The following BMP8A variants were observed in gnomAD, a reference collection of about 807,000 sequenced individuals.
BMP8A encodes BMP-8A.
A neutral mutation model predicts 36.8 loss-of-function variants in BMP8A; 14 were observed. That is an observed-to-expected ratio of 0.38 (90% CI 0.25 to 0.60). BMP8A has a LOEUF of 0.60. Among genes scored for constraint, BMP8A ranks in the 20% least tolerant of loss-of-function variants. The pLI, the probability that BMP8A is intolerant of heterozygous loss-of-function variation, is 0.63. For missense variants in BMP8A, 267 were observed against 551.1 expected (o/e 0.48, Z 5.16); for synonymous variants, 120 against 237.7 (o/e 0.50, Z 4.55).
chr1:39,505,098 C>T (rs1478510342), intron 1 of BMP8A, among the ~76,000 whole-genome samples: 23 of 152,184 alleles, frequency 1.5e-4, no homozygotes, highest in Admixed American at 1.5e-3. Context: ...GAGACAGATG[C>T]CTTCCTCTTA....
chr1:39,508,253 A>G (rs1645319725), intron 1 of BMP8A, among the ~76,000 whole-genome samples: 1 of 148,658 alleles, frequency 6.7e-6, no homozygotes, highest in Non-Finnish European at 1.5e-5. Flanking sequence ...TCCGTCTCAA[A>G]AAAAAAAAAA....
intron 1 of BMP8A, among the ~76,000 whole-genome samples, chr1:39,506,710 C>A (rs1645304823): frequency 6.6e-6 from 1 of 152,088 alleles, no homozygotes; most frequent in Non-Finnish European, 1.5e-5. Flanking sequence ...CCCAGCCCCC[C>A]TTCTTTGTGT....
chr1:39,506,865 C>T (rs932831314), intron 1 of BMP8A, among the ~76,000 whole-genome samples: 4 of 152,220 alleles, frequency 2.6e-5, no homozygotes, highest in Non-Finnish European at 5.9e-5. Context: ...TAAATAATGA[C>T]TTCTGCACCA....
chr1:39,503,905 G>T (rs557914268), intron 1 of BMP8A, among the ~76,000 whole-genome samples: 5 of 151,852 alleles, frequency 3.3e-5, no homozygotes, highest in African/African-American at 1.2e-4. Context: ...CACACCACTG[G>T]ACTCCAGCCT....
At chr1:39,508,123 C>T (rs572826350) in intron 1 of BMP8A, among the ~76,000 whole-genome samples, 443 of 152,146 alleles carry the variant, frequency 2.9e-3, no homozygotes, top group Non-Finnish European at 5.0e-3. Flanking sequence ...TGGTTGCTGG[C>T]GCCTGTAGTC....
chr1:39,501,783 C>G (rs1233591910), intron 1 of BMP8A, among the ~76,000 whole-genome samples: 2 of 152,152 alleles, frequency 1.3e-5, no homozygotes, highest in South Asian at 4.1e-4. Flanking sequence ...CTTGGAAGTA[C>G]AGTTTCTGAG....
Position 39,524,816 on chromosome 1 carries a change from G to A in BMP8A, c.1060-833G>A, listed in dbSNP as rs1408766821. ...TGGAAGGCAGAGGAGCAGGGGATGA[G>A]TGAGGGCTGCTGTGGTCACCTGGCA... On this transcript the variant is annotated intron_variant, in intron 6 of 6. Coordinates refer to ENST00000331593, the MANE Select transcript of BMP8A (RefSeq NM_181809.4). This position sits in a 1 kb window ranked among gnomAD's most constrained non-coding sequence, Gnocchi z 4.0. 3 of 152,712 alleles carry A rather than the reference G, an allele frequency of 2.0e-5. No individual in the cohort carries two copies. The highest frequency in any genetic ancestry group is 4.4e-5 in the Non-Finnish European group (3 of 68,410). The allele number at this position is 152,712 out of a possible 1,614,324, so 9.5% of individuals were successfully genotyped here.
chr1:39,491,739 A>G lies in BMP8A; in HGVS notation c.-253A>G, dbSNP rs904699583. The stretch of plus-strand genomic sequence containing the variant: ...ACGGCGGCGACAGACGGATTGGCTG[A>G]CAGTCCCAGCCCTCAGAACAGCCCC... On this transcript the variant is annotated 5_prime_UTR_variant, in exon 1 of 7. Coordinates refer to ENST00000331593, the MANE Select transcript of BMP8A (RefSeq NM_181809.4). The G allele has an allele frequency of 1.1e-5, 2 of 177,562 alleles. No individual in the cohort carries two copies. Among genetic ancestry groups the G allele is most frequent in the Non-Finnish European group, 2.3e-5 (2 of 87,622 alleles). 11.0% of individuals were successfully genotyped at this position (177,562 alleles called of 1,614,324 possible).
rs1333390550 is a variant in BMP8A at position 39,511,087 on chromosome 1, G to A, written c.335-87G>A. On this transcript the variant is annotated intron_variant, in intron 1 of 6. Coordinates refer to ENST00000331593, the MANE Select transcript of BMP8A (RefSeq NM_181809.4). Reference sequence around the variant, plus strand: ...GTCCGCTCCACCTTGAGTGGTGGGTGTCTGGGGGCGGTGGCTCACACCAGC... The same window carrying A: ...GTCCGCTCCACCTTGAGTGGTGGGTATCTGGGGGCGGTGGCTCACACCAGC... 5 of 1,569,356 alleles carry A rather than the reference G, an allele frequency of 3.2e-6. No homozygotes were observed. The African/African-American group carries it at 5.4e-5, about 17-fold the overall frequency.
intron 1 of BMP8A, among the ~76,000 whole-genome samples, chr1:39,503,048 A>T (rs1439008062): frequency 6.6e-6 from 1 of 152,192 alleles, no homozygotes; most frequent in Non-Finnish European, 1.5e-5. Context: ...TCTGTCTTAA[A>T]ATAAATATTT....
rs941136766 is a variant in BMP8A at position 39,526,463 on chromosome 1, T to C, written c.*665T>C. On this transcript the variant is annotated 3_prime_UTR_variant, in exon 7 of 7. Coordinates refer to ENST00000331593, the MANE Select transcript of BMP8A (RefSeq NM_181809.4). Reference sequence around the variant, plus strand: ...AAGCAATTCTCGTGCCTCAGCCTCCTGAGTAGCTGGGATTACAGGGGCCCA... The same window carrying C: ...AAGCAATTCTCGTGCCTCAGCCTCCCGAGTAGCTGGGATTACAGGGGCCCA... 6.6e-6 allele frequency among the ~76,000 whole-genome samples: 1 copy of C among 151,912 alleles called. No individual in the cohort carries two copies. Among genetic ancestry groups the C allele is most frequent in the Non-Finnish European group, 1.5e-5 (1 of 67,964 alleles).
At chr1:39,500,990 G>A (rs906119808) in intron 1 of BMP8A, among the ~76,000 whole-genome samples, 1 of 152,214 alleles carries the variant, frequency 6.6e-6, no homozygotes, top group South Asian at 2.1e-4. Context: ...TCTAGTGGCT[G>A]AAAGGCTCAA....
Position 39,525,969 on chromosome 1 carries a change from C to T in BMP8A, c.*171C>T. On this transcript the variant is annotated 3_prime_UTR_variant, in exon 7 of 7. Transcript: ENST00000331593. ...CCTTTCTCGGTACCTCTGTGCCCCTCCCCTGGGGTTTGTGGCTGTCACTCT... is the reference window on the plus strand; with the variant it reads ...CCTTTCTCGGTACCTCTGTGCCCCTTCCCTGGGGTTTGTGGCTGTCACTCT... 1 of 1,188,738 alleles carries T rather than the reference C, an allele frequency of 8.4e-7. No individual in the cohort carries two copies. The highest frequency in any genetic ancestry group is 1.2e-6 in the Non-Finnish European group (1 of 865,552). 73.6% of individuals were successfully genotyped at this position (1,188,738 alleles called of 1,614,324 possible).
chr1:39,526,565 C>G lies in BMP8A; in HGVS notation c.*767C>G, dbSNP rs571312413. On this transcript the variant is annotated 3_prime_UTR_variant, in exon 7 of 7. Coordinates refer to ENST00000331593, the MANE Select transcript of BMP8A (RefSeq NM_181809.4). ...TATCGGCCAGGCTGGTCTTGAACTC[C>G]TGACCTCAGGTGATCCACCCGCCCG... 1.7e-3 allele frequency among the ~76,000 whole-genome samples: 252 copies of G among 152,280 alleles called. No individual in the cohort carries two copies. The highest frequency in any genetic ancestry group is 5.6e-3 in the African/African-American group (231 of 41,556).
intron 1 of BMP8A, among the ~76,000 whole-genome samples, chr1:39,497,640 G>A (rs770678636): frequency 3.3e-5 from 5 of 152,146 alleles, no homozygotes; most frequent in Non-Finnish European, 5.9e-5. Flanking sequence ...GATTCCAGTC[G>A]CTTTCTGCCT....
In BMP8A at chr1:39,526,967, CA is replaced by C. The variant is rs1376536586; in HGVS notation, c.*1170del. The stretch of plus-strand genomic sequence containing the variant: ...TCAGCACAGAACTGCAGACAGCCAC[CA>C]CCAGGCATTGTCAATAAGACCTCAG... On this transcript the variant is annotated 3_prime_UTR_variant, in exon 7 of 7. Transcript: ENST00000331593. Among the ~76,000 whole-genome samples the C allele has an allele frequency of 2.0e-5, 3 of 152,218 alleles. No individual in the cohort carries two copies. Among genetic ancestry groups the C allele is most frequent in the African/African-American group, 7.2e-5 (3 of 41,450 alleles).
intron 3 of BMP8A, among the ~76,000 whole-genome samples, chr1:39,512,703 T>G (rs1287502701): frequency 6.6e-6 from 1 of 150,602 alleles, no homozygotes; most frequent in Non-Finnish European, 1.5e-5. Context: ...CTCACTGCAG[T>G]GACCGGCACG....
Position 39,493,639 on chromosome 1 carries a change from G to A in BMP8A, c.334+1314G>A, listed in dbSNP as rs1324925932. 2.0e-5 allele frequency among the ~76,000 whole-genome samples: 3 copies of A among 152,236 alleles called. No individual in the cohort carries two copies. The East Asian group carries it at 5.8e-4, about 29-fold the overall frequency. ...GCAACCCAGAGCTGGTGGTGGAGGC[G>A]AGCAGCAGAAGGCAGCCATTCACCA... On this transcript the variant is annotated intron_variant, in intron 1 of 6. Transcript: ENST00000331593.
intron 1 of BMP8A, among the ~76,000 whole-genome samples, chr1:39,508,954 G>A (rs1249187059): frequency 1.3e-5 from 2 of 152,206 alleles, no homozygotes; most frequent in Non-Finnish European, 2.9e-5. Context: ...ACTCAGGTCG[G>A]TTCAGTTGAG....
Sources: allele counts gnomAD v4.1 joint callset (sites outside exome capture counted in the v4.1 genomes callset), GRCh38; gene constraint gnomAD v4.1.1; non-coding constraint Gnocchi (gnomAD v3.1); transcripts MANE v1.5; gene names NCBI Gene and HGNC (gene_info 2026-07-23, HGNC 2026-07-21).